Variants in KALRN observed in about 807,000 individuals in gnomAD.
The protein encoded by KALRN is kalirin.
In KALRN, 70 loss-of-function variants were observed where a neutral mutation model predicts 353.7. The ratio of observed to expected loss-of-function variants is 0.20; its 90% CI spans 0.16 to 0.24. KALRN has a LOEUF of 0.24. Ranked by LOEUF, KALRN falls within the 10% of genes least tolerant of loss-of-function variation. The pLI, the probability that KALRN is intolerant of heterozygous loss-of-function variation, is 1.00. For synonymous variants in KALRN, 1,391 were observed against 1,434.8 expected (o/e 0.97, Z 0.69); for missense variants, 2,791 against 3,756.7 (o/e 0.74, Z 6.72).
intron 17 of KALRN, among the ~76,000 whole-genome samples, chr3:124,436,142 A>C (rs922389348): frequency 2.6e-5 from 4 of 152,220 alleles, no homozygotes; most frequent in Admixed American, 2.0e-4. Context: ...GGACAACTGA[A>C]TATCCATATG....
chr3:124,153,526 A>C (rs1314887550), intron 1 of KALRN, among the ~76,000 whole-genome samples: 1 of 150,610 alleles, frequency 6.6e-6, no homozygotes. Flanking sequence ...ATTGTTGGAC[A>C]TTTGGGTTGG....
rs35854921 is a variant in KALRN at position 124,458,275 on chromosome 3, C to CAAAA, written c.3854+1565_3854+1568dup. On this transcript the variant is annotated intron_variant, in intron 23 of 59. Coordinates refer to ENST00000682506, the MANE Select transcript of KALRN (RefSeq NM_001388419.1). ...TGGCTGACAGAGCAAGACTCTGTCT[C>CAAAA]AAAAAAAAAAAAAAAAAAAAAGAGA... is the stretch of plus-strand genomic sequence containing the variant. Among the ~76,000 whole-genome samples, 48 of 82,892 alleles carry CAAAA rather than the reference C, an allele frequency of 5.8e-4. 2 individuals carry two copies. Among genetic ancestry groups the CAAAA allele is most frequent in the East Asian group, 1.2e-3 (3 of 2,442 alleles). 54.4% of individuals were successfully genotyped at this position (82,892 alleles called of 152,430 possible).
intron 37 of KALRN, among the ~76,000 whole-genome samples, chr3:124,644,691 G>GTA (rs1457918135): frequency 6.6e-6 from 1 of 152,220 alleles, no homozygotes; most frequent in Non-Finnish European, 1.5e-5. Flanking sequence ...ATTCCATGGT[G>GTA]TATATGTGCC....
At chr3:124,662,017 T>A (rs1220495794) in intron 45 of KALRN, 89 bp downstream of exon 45, 4 of 1,045,584 alleles carry the variant, frequency 3.8e-6, no homozygotes, top group Non-Finnish European at 4.5e-6. Flanking sequence ...AAGCCTTGTG[T>A]CCTGCCTGTG....
chr3:124,148,654 G>A (rs2067685345), intron 1 of KALRN, among the ~76,000 whole-genome samples: 1 of 151,956 alleles, frequency 6.6e-6, no homozygotes, highest in African/African-American at 2.4e-5. Flanking sequence ...TTAAGGAGAA[G>A]ATTATTGCAA....
At chr3:124,227,514 C>G (rs2078657622) in intron 1 of KALRN, among the ~76,000 whole-genome samples, 1 of 152,094 alleles carries the variant, frequency 6.6e-6, no homozygotes, top group Admixed American at 6.5e-5. Flanking sequence ...TTCTTTAGGA[C>G]TTTGTAATCC....
chr3:124,601,857 C>A (rs2076835046), intron 34 of KALRN, among the ~76,000 whole-genome samples: 1 of 119,888 alleles, frequency 8.3e-6, no homozygotes, highest in Non-Finnish European at 1.8e-5. Context: ...TGGCGAAACC[C>A]CATCTCTAGG....
intron 21 of KALRN, among the ~76,000 whole-genome samples, chr3:124,447,360 C>G (rs2093874805): frequency 6.6e-6 from 1 of 152,186 alleles, no homozygotes; most frequent in South Asian, 2.1e-4. Context: ...CATCTGGCCT[C>G]AAACCCGCTC....
rs2078454731 is a variant in KALRN at position 124,615,313 on chromosome 3, T to C, written c.5183-17107T>C. ...CTACAAAATAACTACCCTGTACTTA[T>C]AAAAGATGTGCAGATCATAAAAGAC... On this transcript the variant is annotated intron_variant, in intron 34 of 59. Transcript: ENST00000682506. Among the ~76,000 whole-genome samples the C allele has an allele frequency of 2.6e-5, 4 of 152,312 alleles. 1 individual carries two copies. The Middle Eastern group carries it at 0.014, about 518-fold the overall frequency.
chr3:124,619,384 G>A (rs981673178), intron 34 of KALRN, among the ~76,000 whole-genome samples: 8 of 151,722 alleles, frequency 5.3e-5, no homozygotes, highest in African/African-American at 1.9e-4. Context: ...GAATGTAAGG[G>A]TTCAGATATC....
intron 1 of KALRN, among the ~76,000 whole-genome samples, chr3:124,171,777 G>A (rs1033568202): frequency 1.3e-5 from 2 of 152,102 alleles, no homozygotes; most frequent in Non-Finnish European, 2.9e-5. Context: ...CCTGCCTGTG[G>A]AGATCAAATT....
At chr3:124,229,059 A>C (rs1234697929) in intron 2 of KALRN, among the ~76,000 whole-genome samples, 1 of 151,280 alleles carries the variant, frequency 6.6e-6, no homozygotes, top group Non-Finnish European at 1.5e-5. Flanking sequence ...AAGATGGTTA[A>C]CTTAATCATA....
intron 33 of KALRN, among the ~76,000 whole-genome samples, chr3:124,505,363 T>C (rs1174750376): frequency 1.3e-5 from 2 of 152,070 alleles, no homozygotes; most frequent in Admixed American, 1.3e-4. Flanking sequence ...GGCATGGTGG[T>C]TTGCACCTGT....
intron 5 of KALRN, among the ~76,000 whole-genome samples, chr3:124,295,100 A>C (rs1373606): frequency 0.53 from 80,397 of 152,088 alleles, 21,829 homozygotes; most frequent in East Asian, 0.67. Flanking sequence ...ATGACTATGA[A>C]CCTTGCAGAC....
chr3:124,658,551 G>A (rs774077194), intron 42 of KALRN, 34 bp downstream of exon 42: 95 of 1,564,468 alleles, frequency 6.1e-5, no homozygotes, highest in Non-Finnish European at 7.8e-5. Flanking sequence ...ACTGGGGTGG[G>A]AGGAAAACTC....
chr3:124,123,425 G>A lies in KALRN; in HGVS notation c.73+89612G>A, dbSNP rs139405430. ...AAACCAAAGCCTAATCCACAGCAAA[G>A]CACTAATTCTCTTCAATTCTATGAA... is the stretch of plus-strand genomic sequence containing the variant. On this transcript the variant is annotated intron_variant, in intron 1 of 59. Transcript: ENST00000682506. Among the ~76,000 whole-genome samples, 1,370 of 152,312 alleles carry A rather than the reference G, an allele frequency of 9.0e-3. 8 individuals are homozygous for A. Among genetic ancestry groups the A allele is most frequent in the South Asian group, 0.015 (73 of 4,820 alleles).
intron 1 of KALRN, among the ~76,000 whole-genome samples, chr3:124,206,705 T>C (rs2076439744): frequency 6.6e-6 from 1 of 152,220 alleles, no homozygotes; most frequent in Admixed American, 6.5e-5. Context: ...TCCAGGACTT[T>C]CCAGGACTAG....
At chr3:124,447,976 T>C (rs1310415944) in intron 21 of KALRN, among the ~76,000 whole-genome samples, 1 of 152,172 alleles carries the variant, frequency 6.6e-6, no homozygotes, top group East Asian at 1.9e-4. Flanking sequence ...CAAATCCAAA[T>C]TAAAATGGCT....
intron 37 of KALRN, 152 bp from the exon 38 acceptor site, chr3:124,650,656 G>A: frequency 1.4e-6 from 1 of 711,938 alleles, no homozygotes; most frequent in Non-Finnish European, 2.3e-6. Context: ...GGAGGATAAA[G>A]TCTCTGGTCT....
Sources: allele counts gnomAD v4.1 joint callset (sites outside exome capture counted in the v4.1 genomes callset), GRCh38; gene constraint gnomAD v4.1.1; transcripts MANE v1.5; gene names NCBI Gene and HGNC (gene_info 2026-07-23, HGNC 2026-07-21).